The following PCDHGA11 variants were observed in gnomAD, a reference collection of about 807,000 sequenced individuals.
The protein encoded by PCDHGA11 is protocadherin gamma-A11.
Under a neutral mutation model 60.4 loss-of-function variants are expected in PCDHGA11, and 39 were observed. The ratio of observed to expected loss-of-function variants is 0.65; its 90% CI spans 0.50 to 0.84. The LOEUF (loss-of-function observed/expected upper bound fraction) is 0.84. PCDHGA11 is among the 40% of genes least tolerant of loss of function. The pLI, the probability that PCDHGA11 is intolerant of heterozygous loss-of-function variation, is 0.00. For synonymous variants in PCDHGA11, 533 were observed against 510.3 expected, an observed-to-expected ratio of 1.04 and a Z score of -0.60; for missense variants, 1,165 against 1,197.7, an observed-to-expected ratio of 0.97 and a Z score of 0.40.
At position 141,421,169 on chromosome 5, in the gene PCDHGA11, T is replaced by G; in HGVS notation, c.-59T>G. The stretch of plus-strand genomic sequence containing the variant: ...GTCGGCCTAGGACTTCATAGATACA[T>G]AAGCCGATTCACAACCAACCAGCTC... On this transcript the variant is annotated 5_prime_UTR_variant, in exon 1 of 4. Coordinates refer to ENST00000398587, the MANE Select transcript of PCDHGA11 (RefSeq NM_018914.3). The G allele has an allele frequency of 1.5e-6, 2 of 1,340,600 alleles. No individual in the cohort carries two copies. Among genetic ancestry groups the G allele is most frequent in the South Asian group, 1.5e-5 (1 of 68,364 alleles). 83.0% of individuals were successfully genotyped at this position (1,340,600 alleles called of 1,614,324 possible).
intron 1 of PCDHGA11, among the ~76,000 whole-genome samples, chr5:141,430,143 A>C (rs1451633366): frequency 2.0e-5 from 3 of 152,180 alleles, no homozygotes; most frequent in Non-Finnish European, 4.4e-5. Flanking sequence ...TCCATTCAGG[A>C]TCATTCAAGG....
chr5:141,431,090 G>C lies in PCDHGA11; in HGVS notation c.2433+7430G>C. On this transcript the variant is annotated intron_variant, in intron 1 of 3. Transcript: ENST00000398587. The surrounding 1 kb of genome is among the most constrained non-coding windows in gnomAD (Gnocchi z 4.8). ...TCAATTAAATCTAGACATTCTGATG[G>C]AGGATAAAGTGAAAATATATGGAGT... is the stretch of plus-strand genomic sequence containing the variant. 6.2e-7 allele frequency: 1 copy of C among 1,614,246 alleles called. No homozygotes were observed. The highest frequency in any genetic ancestry group is 8.5e-7 in the Non-Finnish European group (1 of 1,180,032).
rs376621545 is a variant in PCDHGA11, at chr5:141,422,143, G to A, written c.916G>A (p.Gly306Arg). ...DSQTGEVQVR[G>R]SLDFEKYRFY... The stretch of plus-strand genomic sequence containing the variant: ...ACAAACTGGAGAAGTTCAAGTACGG[G>A]GGTCTCTGGATTTTGAAAAATATAG... The change falls in exon 1 of 4, where the codon GGG becomes AGG. Residue 306 changes from glycine (G) to arginine (R), a missense_variant. Physicochemically the swap from Gly to Arg is moderately radical, Grantham distance 125 (BLOSUM62 -2). Transcript: ENST00000398587. 36 of 1,583,638 alleles carry A rather than the reference G, an allele frequency of 2.3e-5. No individual in the cohort carries two copies. The African/African-American group carries it at 3.8e-4, about 17-fold the overall frequency.
In PCDHGA11 at chr5:141,505,419, C is replaced by T; in HGVS notation, c.2519C>T (p.Thr840Ile). 3 of 1,614,258 alleles carry T rather than the reference C, an allele frequency of 1.9e-6. No homozygotes were observed. Among genetic ancestry groups the T allele is most frequent in the Non-Finnish European group, 2.5e-6 (3 of 1,180,054 alleles). Residue 840 changes from threonine to isoleucine, a missense_variant, in exon 3 of 4, where the codon ACC becomes ATC. By Grantham distance (89) the Thr-to-Ile change is moderately conservative. Transcript: ENST00000398587. The part of the protein sequence containing the change: ...SGSQNGDDTG[T>I]WPNNQFDTEM... ...TCCCAAAATGGCGATGACACCGGCA[C>T]CTGGCCCAACAACCAGTTTGACACA...
At chr5:141,500,959 C>T (rs2099804326) in intron 2 of PCDHGA11, among the ~76,000 whole-genome samples, 1 of 152,022 alleles carries the variant, frequency 6.6e-6, no homozygotes, top group South Asian at 2.1e-4. Flanking sequence ...AGCTCCACCT[C>T]CTGGGTTCAA....
chr5:141,494,546 G>T (rs984336435), intron 1 of PCDHGA11, among the ~76,000 whole-genome samples: 1 of 152,152 alleles, frequency 6.6e-6, no homozygotes, highest in African/African-American at 2.4e-5. Context: ...GGAGGAAGGG[G>T]CCATTTCTTT....
intron 1 of PCDHGA11, among the ~76,000 whole-genome samples, chr5:141,481,184 C>A (rs2099533291): frequency 6.6e-6 from 1 of 152,146 alleles, no homozygotes; most frequent in African/African-American, 2.4e-5. Flanking sequence ...CTTTATTGGG[C>A]CAGGCCCAAT....
At chr5:141,482,570 C>A (rs2099568543) in intron 1 of PCDHGA11, among the ~76,000 whole-genome samples, 1 of 144,954 alleles carries the variant, frequency 6.9e-6, no homozygotes, top group African/African-American at 2.6e-5. Context: ...ATCTGCATAG[C>A]ATAAGATGCA....
chr5:141,425,221 C>T (rs2096862694), intron 1 of PCDHGA11, among the ~76,000 whole-genome samples: 1 of 152,068 alleles, frequency 6.6e-6, no homozygotes, highest in African/African-American at 2.4e-5. Context: ...TGTACTTTGA[C>T]TGGAATTAGT....
intron 1 of PCDHGA11, among the ~76,000 whole-genome samples, chr5:141,447,285 A>G (rs143024915): frequency 0.046 from 7,013 of 152,060 alleles, 241 homozygotes; most frequent in African/African-American, 0.093. Context: ...GACTACAGGC[A>G]CATGCCACCA....
At chr5:141,473,229 T>G (rs891825934) in intron 1 of PCDHGA11, among the ~76,000 whole-genome samples, 8 of 152,160 alleles carry the variant, frequency 5.3e-5, no homozygotes, top group Admixed American at 1.3e-4. Context: ...GGAGATTGGA[T>G]CCACACAAGT....
intron 1 of PCDHGA11, chr5:141,428,371 C>A: frequency 5.6e-6 from 3 of 536,772 alleles, no homozygotes; most frequent in Non-Finnish European, 1.0e-5. Flanking sequence ...CGCCTTGCAC[C>A]TGCGATGCTC....
rs757503771 is a variant in PCDHGA11 at position 141,433,052 on chromosome 5, A to C, written c.2433+9392A>C. 31 of 1,614,060 alleles carry C rather than the reference A, an allele frequency of 1.9e-5. No homozygotes were observed. Among genetic ancestry groups the C allele is most frequent in the Non-Finnish European group, 1.8e-5 (21 of 1,180,044 alleles). On this transcript the variant is annotated intron_variant, in intron 1 of 3. Coordinates refer to ENST00000398587, the MANE Select transcript of PCDHGA11 (RefSeq NM_018914.3). ...GGTTTCCCTCACCACGGACTCGCGG[A>C]AGAGTCACCTGATCTTCCCCCAGCC...
chr5:141,506,025 A>T (rs2099850088), intron 3 of PCDHGA11, among the ~76,000 whole-genome samples: 1 of 152,150 alleles, frequency 6.6e-6, no homozygotes, highest in African/African-American at 2.4e-5. Context: ...CCCTAACTCC[A>T]GAGTAGGATT....
chr5:141,448,439 C>T (rs182359185), intron 1 of PCDHGA11, among the ~76,000 whole-genome samples: 7 of 152,232 alleles, frequency 4.6e-5, no homozygotes, highest in Admixed American at 4.6e-4. Context: ...ATTGAGAAGT[C>T]TGACTTCCAT....
Position 141,487,373 on chromosome 5 carries a change from C to T in PCDHGA11, c.2434-7434C>T. 2 of 1,614,224 alleles carry T rather than the reference C, an allele frequency of 1.2e-6. No homozygotes were observed. Among genetic ancestry groups the T allele is most frequent in the Non-Finnish European group, 1.7e-6 (2 of 1,180,042 alleles). On this transcript the variant is annotated intron_variant, in intron 1 of 3. Transcript: ENST00000398587. This position sits in a 1 kb window ranked among gnomAD's most constrained non-coding sequence, Gnocchi z 5.0. ...CTTTCCTGCTGGCACCTGTGCCTGTCTCACCAGATCTCGAAGGAGGGAGGG... is the reference window on the plus strand; with the variant it reads ...CTTTCCTGCTGGCACCTGTGCCTGTTTCACCAGATCTCGAAGGAGGGAGGG...
chr5:141,477,211 C>G lies in PCDHGA11; in HGVS notation c.2434-17596C>G. 2 of 1,614,154 alleles carry G rather than the reference C, an allele frequency of 1.2e-6. No individual in the cohort carries two copies. Among genetic ancestry groups the G allele is most frequent in the Non-Finnish European group, 1.7e-6 (2 of 1,180,036 alleles). On this transcript the variant is annotated intron_variant, in intron 1 of 3. Transcript: ENST00000398587. The surrounding 1 kb of genome is among the most constrained non-coding windows in gnomAD (Gnocchi z 4.9). ...TGTACAGCCCAGTACCCGAGGATGC[C>G]CCTCTGGGGACTGTCATCGCTTTGC...
At position 141,469,759 on chromosome 5, in the gene PCDHGA11, T is replaced by C. The variant is rs192437401; in HGVS notation, c.2434-25048T>C. On this transcript the variant is annotated intron_variant, in intron 1 of 3. Coordinates refer to ENST00000398587, the MANE Select transcript of PCDHGA11 (RefSeq NM_018914.3). ...ACCTCAAAAATTACAAAAATACATATATACCAGCTTATTTATTACAGCGTT... is the reference window on the plus strand; with the variant it reads ...ACCTCAAAAATTACAAAAATACATACATACCAGCTTATTTATTACAGCGTT... 3.9e-3 allele frequency among the ~76,000 whole-genome samples: 591 copies of C among 152,310 alleles called. 6 individuals are homozygous for C. Among genetic ancestry groups the C allele is most frequent in the Admixed American group, 0.011 (171 of 15,298 alleles).
At chr5:141,501,290 TACAC>T (rs55762287) in intron 2 of PCDHGA11, among the ~76,000 whole-genome samples, 45,565 of 135,778 alleles carry the variant, frequency 0.34, 7,845 homozygotes, top group Non-Finnish European at 0.42. Flanking sequence ...TATTCCCTTA[TACAC>T]ACACACACAC....
Sources: gnomAD v4.1 joint callset for allele counts (sites outside exome capture counted in the v4.1 genomes callset) on GRCh38, gnomAD v4.1.1 for gene constraint, Gnocchi (gnomAD v3.1) non-coding constraint, MANE v1.5 for transcripts, NCBI Gene and HGNC (gene_info 2026-07-23, HGNC 2026-07-21) for gene names.